Variants in GRIA1 observed in about 807,000 individuals in gnomAD.
GRIA1 encodes glutamate ionotropic receptor AMPA type subunit 1.
GRIA1 carries 31 observed loss-of-function variants against 99.2 expected under a neutral mutation model. The ratio of observed to expected loss-of-function variants is 0.31; its 90% CI spans 0.23 to 0.42. GRIA1 has a LOEUF of 0.42. GRIA1 is among the 10% of genes least tolerant of loss of function. GRIA1 has a pLI of 1.00. For missense variants in GRIA1, 782 were observed against 1,157.5 expected, an observed-to-expected ratio of 0.68 and a Z score of 4.71; for synonymous variants, 438 against 432.4, an observed-to-expected ratio of 1.01 and a Z score of -0.16.
chr5:153,598,783 G>A (rs950859426), intron 2 of GRIA1, among the ~76,000 whole-genome samples: 1 of 140,440 alleles, frequency 7.1e-6, no homozygotes, highest in African/African-American at 2.5e-5. Context: ...AGAATAAAAT[G>A]AAGGTTAAAC....
intron 2 of GRIA1, among the ~76,000 whole-genome samples, chr5:153,634,087 C>T (rs1477207646): frequency 4.6e-5 from 7 of 151,948 alleles, no homozygotes; most frequent in South Asian, 4.2e-4. Flanking sequence ...GAGGCCGAGG[C>T]GGGTGGATCA....
Position 153,701,619 on chromosome 5 carries a change from CAAAAAA to C in GRIA1, c.1452+2564_1452+2569del, listed in dbSNP as rs70978504. On this transcript the variant is annotated intron_variant, in intron 10 of 15. Transcript: ENST00000285900. ...CTGGGCGACAAAGCGAGACCCGTCT[CAAAAAA>C]AAAAAAAAAAAAAAAAATACTATGT... Among the ~76,000 whole-genome samples the C allele has an allele frequency of 3.3e-4, 13 of 39,414 alleles. 2 individuals carry two copies. The highest frequency in any genetic ancestry group is 2.0e-3 in the South Asian group (1 of 502). The allele number at this position is 39,414 out of a possible 152,430, so 25.9% of individuals were successfully genotyped here. A position where few individuals can be genotyped will look rare whatever the true frequency, so the allele number is the denominator to read the frequency against.
At chr5:153,542,864 C>T (rs1023457960) in intron 2 of GRIA1, among the ~76,000 whole-genome samples, 1 of 151,970 alleles carries the variant, frequency 6.6e-6, no homozygotes, top group Non-Finnish European at 1.5e-5. Context: ...GTTATATAAA[C>T]ACTTTCGTCT....
At chr5:153,724,211 A>T (rs550588259) in intron 11 of GRIA1, among the ~76,000 whole-genome samples, 2 of 152,256 alleles carry the variant, frequency 1.3e-5, no homozygotes, top group African/African-American at 4.8e-5. Flanking sequence ...AAAACTAACA[A>T]ACAGAAAGGA....
At chr5:153,605,147 A>G (rs1194873272) in intron 2 of GRIA1, among the ~76,000 whole-genome samples, 1 of 151,614 alleles carries the variant, frequency 6.6e-6, no homozygotes, top group Non-Finnish European at 1.5e-5. Flanking sequence ...AGATTGCACC[A>G]CTGCACTCCA....
At chr5:153,772,634 C>G (rs1763956052) in intron 13 of GRIA1, among the ~76,000 whole-genome samples, 1 of 151,992 alleles carries the variant, frequency 6.6e-6, no homozygotes, top group Admixed American at 6.6e-5. Context: ...ATCAAATGGC[C>G]TGGTATTTAT....
At chr5:153,566,410 G>A (rs187172725) in intron 2 of GRIA1, among the ~76,000 whole-genome samples, 15 of 146,328 alleles carry the variant, frequency 1.0e-4, no homozygotes, top group African/African-American at 1.8e-4. Flanking sequence ...GGGTTCAAGC[G>A]ATTCCCTTGC....
At chr5:153,624,028 C>T (rs746593822) in intron 2 of GRIA1, among the ~76,000 whole-genome samples, 24 of 152,190 alleles carry the variant, frequency 1.6e-4, no homozygotes, top group Non-Finnish European at 3.1e-4. Context: ...CAAATGGATA[C>T]TGTCAAGTTA....
chr5:153,493,327 T>G (rs1335150166), intron 1 of GRIA1, among the ~76,000 whole-genome samples: 1 of 151,994 alleles, frequency 6.6e-6, no homozygotes. Flanking sequence ...AAAGCAAGAG[T>G]TTTTAGAGAA....
At chr5:153,718,734 A>C (rs112301600) in intron 11 of GRIA1, among the ~76,000 whole-genome samples, 2,083 of 152,216 alleles carry the variant, frequency 0.014, 18 homozygotes, top group Middle Eastern at 0.031. Flanking sequence ...GTCCCCCACC[A>C]ATCATTTATT....
chr5:153,698,008 G>A, intron 8 of GRIA1, 36 bp from the exon 9 acceptor site: 4 of 1,188,486 alleles, frequency 3.4e-6, no homozygotes, highest in Non-Finnish European at 5.0e-6. Context: ...GAGGAGGCTG[G>A]CCCACCTGAC....
chr5:153,613,181 T>G (rs1445142124), intron 2 of GRIA1, among the ~76,000 whole-genome samples: 1 of 152,166 alleles, frequency 6.6e-6, no homozygotes, highest in Non-Finnish European at 1.5e-5. Context: ...AATGTAATTC[T>G]GTTTGATTTC....
intron 13 of GRIA1, among the ~76,000 whole-genome samples, chr5:153,772,141 T>C (rs1380489734): frequency 6.6e-6 from 1 of 152,082 alleles, no homozygotes; most frequent in Non-Finnish European, 1.5e-5. Flanking sequence ...CAGCAGCTGA[T>C]TCAATTGAAA....
intron 2 of GRIA1, among the ~76,000 whole-genome samples, chr5:153,501,886 A>T (rs1581137567): frequency 6.6e-6 from 1 of 152,314 alleles, no homozygotes; most frequent in Non-Finnish European, 1.5e-5. Context: ...GGAGGCAGGG[A>T]TTCATTCAGA....
At chr5:153,691,611 T>A (rs1474583040) in intron 8 of GRIA1, among the ~76,000 whole-genome samples, 2 of 152,216 alleles carry the variant, frequency 1.3e-5, no homozygotes, top group Admixed American at 1.3e-4. Flanking sequence ...ATTTATAGCT[T>A]GCCATTCCAT....
intron 11 of GRIA1, among the ~76,000 whole-genome samples, chr5:153,743,090 T>A (rs1164131433): frequency 6.6e-6 from 1 of 152,190 alleles, no homozygotes; most frequent in Non-Finnish European, 1.5e-5. Context: ...AGCCTGAAAG[T>A]GAGCCTTTAT....
At chr5:153,597,832 A>G (rs547022249) in intron 2 of GRIA1, among the ~76,000 whole-genome samples, 113 of 137,908 alleles carry the variant, frequency 8.2e-4, no homozygotes, top group African/African-American at 2.6e-3. Context: ...ACATGGCAAG[A>G]CCCCGTCTCT....
At chr5:153,700,932 T>G (rs1758471663) in intron 10 of GRIA1, among the ~76,000 whole-genome samples, 1 of 152,106 alleles carries the variant, frequency 6.6e-6, no homozygotes, top group Non-Finnish European at 1.5e-5. Context: ...GGGATGTGCT[T>G]CTCTCCTTTC....
At chr5:153,658,998 A>T (rs1755161348) in intron 5 of GRIA1, among the ~76,000 whole-genome samples, 1 of 80,082 alleles carries the variant, frequency 1.2e-5, no homozygotes, top group African/African-American at 4.9e-5. Flanking sequence ...ACAAACAAAC[A>T]AAAAAAAAAC....
Sources: allele counts gnomAD v4.1 joint callset (sites outside exome capture counted in the v4.1 genomes callset), GRCh38; gene constraint gnomAD v4.1.1; transcripts MANE v1.5; gene names NCBI Gene and HGNC (gene_info 2026-07-23, HGNC 2026-07-21).